The following RBFOX1 variants were observed in gnomAD, a reference collection of about 807,000 sequenced individuals.
RBFOX1 encodes the protein RNA binding fox-1 homolog 1, also known as RNA binding protein fox-1 homolog 1.
In RBFOX1, 8 loss-of-function variants were observed where a neutral mutation model predicts 57.7. That is an observed-to-expected ratio of 0.14 (90% CI 0.08 to 0.25). The LOEUF is 0.25. Among genes scored for constraint, RBFOX1 ranks in the 10% least tolerant of loss-of-function variants. The probability of loss-of-function intolerance (pLI) is 1.00; values close to 1 mark genes in which losing one functional copy is unlikely to be tolerated. For missense variants in RBFOX1, 611 were observed against 548.5 expected, an observed-to-expected ratio of 1.11 and a Z score of -1.14; for synonymous variants, 326 against 222.4, an observed-to-expected ratio of 1.47 and a Z score of -4.15.
intron 2 of RBFOX1, among the ~76,000 whole-genome samples, chr16:6,563,539 G>C (rs188054562): frequency 6.6e-6 from 1 of 152,130 alleles, no homozygotes; most frequent in Non-Finnish European, 1.5e-5. Context: ...ATGGTCAGGA[G>C]TTGGGTAAGC....
At chr16:6,873,762 T>C (rs12149374) in intron 3 of RBFOX1, 36,590 of 152,078 alleles carry the variant, frequency 0.24, 4,576 homozygotes, top group East Asian at 0.28. Flanking sequence ...ACAAGTGTTA[T>C]CTTGCTTAAT....
At chr16:7,101,753 G>C (rs149159254) in intron 4 of RBFOX1, among the ~76,000 whole-genome samples, 102 of 152,214 alleles carry the variant, frequency 6.7e-4, no homozygotes, top group African/African-American at 2.3e-3. Context: ...GTTCTGCTCT[G>C]ATGCCTGTCC....
At chr16:7,001,663 G>T (rs1481280240) in intron 3 of RBFOX1, among the ~76,000 whole-genome samples, 1 of 151,982 alleles carries the variant, frequency 6.6e-6, no homozygotes, top group Non-Finnish European at 1.5e-5. Flanking sequence ...CACCATGTTG[G>T]CCAGGGTGGT....
At chr16:6,096,432 C>G (rs1352535711) in intron 1 of RBFOX1, among the ~76,000 whole-genome samples, 7 of 152,174 alleles carry the variant, frequency 4.6e-5, no homozygotes, top group Non-Finnish European at 8.8e-5. Flanking sequence ...GACAGCATTT[C>G]CTCACATCTC....
intron 1 of RBFOX1, among the ~76,000 whole-genome samples, chr16:6,295,821 C>A (rs76677352): frequency 2.6e-5 from 4 of 152,174 alleles, no homozygotes; most frequent in Admixed American, 1.3e-4. Flanking sequence ...CAGAGAGCGC[C>A]GGGAGCGATT....
At chr16:7,265,545 T>C (rs1409591478) in intron 4 of RBFOX1, among the ~76,000 whole-genome samples, 1 of 152,168 alleles carries the variant, frequency 6.6e-6, no homozygotes, top group African/African-American at 2.4e-5. Flanking sequence ...GCCTCCCGTG[T>C]TGAAGCGATT....
intron 2 of RBFOX1, among the ~76,000 whole-genome samples, chr16:6,536,914 A>T (rs2096742912): frequency 6.6e-6 from 1 of 152,186 alleles, no homozygotes; most frequent in South Asian, 2.1e-4. Context: ...GACATATCTA[A>T]ATTATGTGTA....
chr16:5,594,840 A>T (rs182994006), intron 2 of RBFOX1, among the ~76,000 whole-genome samples: 1 of 152,086 alleles, frequency 6.6e-6, no homozygotes, highest in East Asian at 1.9e-4. Flanking sequence ...TTATATACAC[A>T]AAAATGTGTG....
intron 1 of RBFOX1, among the ~76,000 whole-genome samples, chr16:5,418,729 TTTA>T (rs2067229195): frequency 1.3e-5 from 2 of 152,166 alleles, no homozygotes. Flanking sequence ...TCCTTCATCC[TTTA>T]TTTTCTTCCT....
chr16:7,112,885 A>C (rs968238932), intron 4 of RBFOX1, among the ~76,000 whole-genome samples: 1 of 152,134 alleles, frequency 6.6e-6, no homozygotes, highest in African/African-American at 2.4e-5. Flanking sequence ...CTGGGCTATA[A>C]TGCTACTTAC....
At chr16:7,415,928 G>C (rs1287017963) in intron 4 of RBFOX1, among the ~76,000 whole-genome samples, 1 of 152,094 alleles carries the variant, frequency 6.6e-6, no homozygotes, top group Non-Finnish European at 1.5e-5. Context: ...CGAAGCTTGG[G>C]CTGGTAGTGG....
At chr16:5,993,810 G>C (rs1440138533) in intron 4 of RBFOX1, among the ~76,000 whole-genome samples, 2 of 152,140 alleles carry the variant, frequency 1.3e-5, no homozygotes, top group Non-Finnish European at 2.9e-5. Context: ...ATGGCCGAAT[G>C]GTTCGTTTAA....
intron 1 of RBFOX1, among the ~76,000 whole-genome samples, chr16:6,144,474 C>T (rs2096742590): frequency 6.6e-6 from 1 of 152,160 alleles, no homozygotes; most frequent in Non-Finnish European, 1.5e-5. Flanking sequence ...GGCTTTGGAG[C>T]TATAAGTGGC....
intron 3 of RBFOX1, among the ~76,000 whole-genome samples, chr16:5,654,012 C>G (rs995526428): frequency 6.6e-6 from 1 of 152,206 alleles, no homozygotes; most frequent in Non-Finnish European, 1.5e-5. Flanking sequence ...CGGGGCCCAG[C>G]TGGTGCGAGC....
At chr16:7,214,509 A>C (rs1182544425) in intron 4 of RBFOX1, among the ~76,000 whole-genome samples, 2 of 151,952 alleles carry the variant, frequency 1.3e-5, no homozygotes, top group African/African-American at 2.4e-5. Context: ...TCTCTGGTCC[A>C]AACCTCATCC....
At chr16:6,739,528 A>T (rs1332299572) in intron 3 of RBFOX1, among the ~76,000 whole-genome samples, 1 of 135,210 alleles carries the variant, frequency 7.4e-6, no homozygotes, top group Non-Finnish European at 1.6e-5. Flanking sequence ...TCACTGGAGA[A>T]TTCTACCCAT....
At chr16:7,655,546 A>T (rs967323327) in intron 12 of RBFOX1, among the ~76,000 whole-genome samples, 2 of 152,196 alleles carry the variant, frequency 1.3e-5, no homozygotes, top group African/African-American at 4.8e-5. Context: ...TATCACAGCA[A>T]TGAGCCCATT....
rs558899625 is a variant in RBFOX1 at position 7,415,047 on chromosome 16, T to C, written c.28-103100T>C. Among the ~76,000 whole-genome samples the C allele has an allele frequency of 6.6e-5, 10 of 152,374 alleles. No homozygotes were observed. In the South Asian group the frequency reaches 2.1e-3, roughly 32 times the overall value. On this transcript the variant is annotated intron_variant, in intron 4 of 15. Transcript: ENST00000550418. Reference sequence around the variant, plus strand: ...GCCAAAGATGGCTCTTTCTATACTCTACAGCCTCTGACATACAAAGATTCA... The same window carrying C: ...GCCAAAGATGGCTCTTTCTATACTCCACAGCCTCTGACATACAAAGATTCA...
intron 1 of RBFOX1, among the ~76,000 whole-genome samples, chr16:6,087,187 G>C (rs1203570822): frequency 6.6e-6 from 1 of 152,184 alleles, no homozygotes; most frequent in Non-Finnish European, 1.5e-5. Context: ...TATGACGTTA[G>C]AACGCCTGCC....
Sources: allele counts gnomAD v4.1 joint callset (sites outside exome capture counted in the v4.1 genomes callset), GRCh38; gene constraint gnomAD v4.1.1; transcripts MANE v1.5; gene names NCBI Gene and HGNC (gene_info 2026-07-23, HGNC 2026-07-21).